The following RNF38 variants were observed in gnomAD, a reference collection of about 807,000 sequenced individuals.
RNF38 encodes ring finger protein 38.
RNF38 carries 15 observed loss-of-function variants against 67.2 expected under a neutral mutation model. The ratio of observed to expected loss-of-function variants is 0.22; its 90% CI spans 0.15 to 0.34. The LOEUF (loss-of-function observed/expected upper bound fraction) is 0.34, where lower values mean the gene tolerates loss of function less well. RNF38 is among the 10% of genes least tolerant of loss of function. The pLI is 1.00. For synonymous variants in RNF38, 220 were observed against 218.8 expected, an observed-to-expected ratio of 1.01 and a Z score of -0.05; for missense variants, 524 against 639.9, an observed-to-expected ratio of 0.82 and a Z score of 1.95.
At chr9:36,426,835 A>C (rs1031684574) in intron 1 of RNF38, among the ~76,000 whole-genome samples, 1 of 152,260 alleles carries the variant, frequency 6.6e-6, no homozygotes, top group Non-Finnish European at 1.5e-5. Flanking sequence ...TTAACAAATC[A>C]TATGCCTCCC....
At position 36,435,059 on chromosome 9, in the gene RNF38, A is replaced by G. The variant is rs560635393; in HGVS notation, n.242-10376T>C. Among the ~76,000 whole-genome samples the G allele has an allele frequency of 1.2e-3, 184 of 152,286 alleles. 2 individuals are homozygous for G. Among genetic ancestry groups the G allele is most frequent in the African/African-American group, 4.0e-3 (165 of 41,566 alleles). Reference sequence around the variant, plus strand: ...CTCCACTATATACTGTCACAGAAACAAAGCAATGTGTGGAACAGCACAGTG... The same window carrying G: ...CTCCACTATATACTGTCACAGAAACGAAGCAATGTGTGGAACAGCACAGTG... On this transcript the variant is annotated intron_variant and non_coding_transcript_variant, in intron 1 of 3. Coordinates refer to the RNF38 transcript ENST00000488058.
At chr9:36,451,501 T>TTGTTTGTTTG (rs1389695404) in intron 1 of RNF38, among the ~76,000 whole-genome samples, 1,385 of 132,686 alleles carry the variant, frequency 0.01, 48 homozygotes, top group African/African-American at 0.04. Flanking sequence ...GTTTTTTTTT[T>TTGTTTGTTTG]TTTTTTTTTT....
At chr9:36,447,894 AC>A (rs1474816436) in intron 1 of RNF38, among the ~76,000 whole-genome samples, 23 of 152,242 alleles carry the variant, frequency 1.5e-4, no homozygotes, top group African/African-American at 5.3e-4. Context: ...TTTTGTTTTC[AC>A]TGTGTGCATT....
chr9:36,389,754 A>C (rs1019060012), intron 2 of RNF38, among the ~76,000 whole-genome samples: 1 of 152,188 alleles, frequency 6.6e-6, no homozygotes, highest in African/African-American at 2.4e-5. Context: ...TTGATGATCA[A>C]TTATTTCACT....
chr9:36,353,279 A>C lies in RNF38; in HGVS notation c.962T>G (p.Val321Gly), dbSNP rs770150262. 1 of 1,613,136 alleles carries C rather than the reference A, an allele frequency of 6.2e-7. No individual in the cohort carries two copies. Among genetic ancestry groups the C allele is most frequent in the Admixed American group, 1.7e-5 (1 of 59,948 alleles). The stretch of plus-strand genomic sequence containing the variant: ...TGATGGAGGGTAAGTAAAACCTCCT[A>C]CTGGAAGATGTTCTCCTAAGAGTTC... Reference protein sequence around the residue: ...EVELLGEHLPVGGFTYPPSAH... With the variant: ...EVELLGEHLPGGGFTYPPSAH... The change falls in exon 7 of 12, where the codon GTA (valine) becomes GGA (glycine). Residue 321 changes from valine (V) to glycine (G), a missense_variant. Physicochemically the swap from Val to Gly is moderately radical, Grantham distance 109 (BLOSUM62 -3). Transcript: ENST00000259605.
intron 1 of RNF38, among the ~76,000 whole-genome samples, chr9:36,481,743 G>A (rs967924193): frequency 6.6e-6 from 1 of 152,124 alleles, no homozygotes; most frequent in Non-Finnish European, 1.5e-5. Context: ...GAAAAACTCT[G>A]CCATTATTTC....
At chr9:36,464,291 G>A (rs190230452) in intron 1 of RNF38, among the ~76,000 whole-genome samples, 73 of 148,312 alleles carry the variant, frequency 4.9e-4, no homozygotes, top group Admixed American at 1.1e-3. Context: ...TATTTAGGCC[G>A]GGCGCAGTGG....
intron 8 of RNF38, 52 bp from the exon 9 acceptor site, chr9:36,351,251 T>G: frequency 7.8e-7 from 1 of 1,276,726 alleles, no homozygotes; most frequent in Non-Finnish European, 1.1e-6. Context: ...ATTAAATCAA[T>G]GAACAGGACA....
chr9:36,450,195 A>G (rs1413684170), intron 1 of RNF38, among the ~76,000 whole-genome samples: 1 of 152,170 alleles, frequency 6.6e-6, no homozygotes, highest in East Asian at 1.9e-4. Flanking sequence ...CTCTATTTCC[A>G]AAACTTTTTT....
intron 1 of RNF38, among the ~76,000 whole-genome samples, chr9:36,441,331 T>G (rs1016598317): frequency 8.1e-6 from 1 of 123,410 alleles, no homozygotes; most frequent in African/African-American, 4.3e-5. Flanking sequence ...AAATTACCAA[T>G]TTTTTTTTTT....
rs994926057 is a variant in RNF38, at chr9:36,338,735, T to C, written c.*1017A>G. 2.0e-5 allele frequency: 3 copies of C among 151,678 alleles called. No homozygotes were observed. The highest frequency in any genetic ancestry group is 6.6e-5 in the Admixed American group (1 of 15,090). The allele number at this position is 151,678 out of a possible 1,614,324, so 9.4% of individuals were successfully genotyped here. The stretch of plus-strand genomic sequence containing the variant: ...ATATATTAATCAAATATCTTCAGAA[T>C]AGACTAGACTACAAATCTAAACATT... On this transcript the variant is annotated 3_prime_UTR_variant, in exon 12 of 12. Coordinates refer to ENST00000259605, the MANE Select transcript of RNF38 (RefSeq NM_022781.5).
rs1170012723 is a variant in RNF38, at chr9:36,390,616, T to C, written c.13A>G (p.Ile5Val). The stretch of plus-strand genomic sequence containing the variant: ...GATGCTGAATTGGCCCCGGGAGATA[T>C]CTGGGAAAAAGAGGAAGAAAAGGAT... MACKISPGANSASLP... is the reference protein window; with the variant it reads MACKVSPGANSASLP... The change falls in exon 2 of 12, where the codon ATA becomes GTA. Residue 5 changes from isoleucine to valine, a missense_variant and splice_region_variant. Physicochemically the swap from Ile to Val is conservative, Grantham distance 29 (BLOSUM62 3). This residue lies in a region of RNF38 where 461 missense variants were observed against 517.4 expected (regional missense o/e 0.89). Coordinates refer to ENST00000259605, the MANE Select transcript of RNF38 (RefSeq NM_022781.5). 3.7e-6 allele frequency: 6 copies of C among 1,613,598 alleles called. No individual in the cohort carries two copies. The highest frequency in any genetic ancestry group is 4.2e-6 in the Non-Finnish European group (5 of 1,179,786).
At chr9:36,357,019 A>C (rs1314161046) in intron 5 of RNF38, among the ~76,000 whole-genome samples, 1 of 152,218 alleles carries the variant, frequency 6.6e-6, no homozygotes, top group Non-Finnish European at 1.5e-5. Context: ...ATAAGTGTGC[A>C]CTTGCTTTAA....
At chr9:36,463,685 C>T (rs1398014801) in intron 1 of RNF38, among the ~76,000 whole-genome samples, 1 of 152,108 alleles carries the variant, frequency 6.6e-6, no homozygotes, top group Non-Finnish European at 1.5e-5. Context: ...TACATTTGAA[C>T]AAAGGCAAGT....
At chr9:36,420,531 C>CAAAAAAAAAAAAAAAAAAAAAAAAAAAA (rs1447823341) in intron 2 of RNF38, among the ~76,000 whole-genome samples, 1 of 28,974 alleles carries the variant, frequency 3.5e-5, no homozygotes, top group Admixed American at 2.4e-4. Context: ...GACTCTGTCT[C>CAAAAAAAAAAAAAAAAAAAAAAAAAAAA]CAAAAAAAAA....
chr9:36,470,943 T>C (rs1306038171), intron 1 of RNF38, among the ~76,000 whole-genome samples: 4 of 152,190 alleles, frequency 2.6e-5, no homozygotes, highest in Non-Finnish European at 5.9e-5. Flanking sequence ...CTCATTTTCC[T>C]CCACTGAGAC....
chr9:36,385,154 A>AG (rs1836510321), intron 2 of RNF38, among the ~76,000 whole-genome samples: 1 of 152,150 alleles, frequency 6.6e-6, no homozygotes, highest in African/African-American at 2.4e-5. Flanking sequence ...TTAAAAAAAA[A>AG]AAATCGTTTT....
upstream of RNF38, among the ~76,000 whole-genome samples, chr9:36,404,374 CAG>C (rs1838130901): frequency 6.6e-6 from 1 of 152,188 alleles, no homozygotes; most frequent in Non-Finnish European, 1.5e-5. Context: ...GGTTATCCTT[CAG>C]AGTGTCTACA....
intron 11 of RNF38, 52 bp downstream of exon 11, chr9:36,342,273 C>A: frequency 1.6e-6 from 2 of 1,274,284 alleles, no homozygotes; most frequent in South Asian, 2.4e-5. Context: ...AATCCATGGT[C>A]AATAAAATAG....
Sources: gnomAD v4.1 joint callset for allele counts (sites outside exome capture counted in the v4.1 genomes callset) on GRCh38, gnomAD v4.1.1 for gene constraint, gnomAD v4.1.1 regional missense constraint, MANE v1.5 for transcripts, NCBI Gene and HGNC (gene_info 2026-07-23, HGNC 2026-07-21) for gene names.